Variants in HAVCR1 observed in about 807,000 individuals in gnomAD.
HAVCR1 encodes the protein hepatitis A virus cellular receptor 1.
In HAVCR1, 34 loss-of-function variants were observed where a neutral mutation model predicts 32.0. The observed-to-expected ratio is 1.06, with a 90% CI of 0.81 to 1.42. The LOEUF (loss-of-function observed/expected upper bound fraction) is 1.42, where lower values mean the gene tolerates loss of function less well. HAVCR1 is among the 40% of genes most tolerant of loss of function. The probability of loss-of-function intolerance (pLI) is 0.00; values close to 1 mark genes in which losing one functional copy is unlikely to be tolerated. For synonymous variants in HAVCR1, 178 were observed against 170.3 expected, an observed-to-expected ratio of 1.05 and a Z score of -0.35; for missense variants, 420 against 442.3, an observed-to-expected ratio of 0.95 and a Z score of 0.45.
chr5:157,057,140 C>A (rs908407906), intron 2 of HAVCR1, among the ~76,000 whole-genome samples: 3 of 151,866 alleles, frequency 2.0e-5, no homozygotes, highest in Non-Finnish European at 4.4e-5. Flanking sequence ...GATGGGGAAA[C>A]CTTGTCTCTA....
intron 8 of HAVCR1, 65 bp downstream of exon 8, chr5:157,032,789 A>T: frequency 9.4e-6 from 9 of 959,482 alleles, no homozygotes; most frequent in Non-Finnish European, 1.5e-5. Context: ...GAGAGACAGA[A>T]ATCTATTTTT....
intron 5 of HAVCR1, among the ~76,000 whole-genome samples, chr5:157,048,025 C>G (rs1755510930): frequency 6.6e-6 from 1 of 152,210 alleles, no homozygotes; most frequent in Non-Finnish European, 1.5e-5. Context: ...AAGTCTTCAT[C>G]TGAGTTGATG....
chr5:157,037,478 GA>G, intron 6 of HAVCR1, 117 bp from the exon 7 acceptor site: 1 of 619,334 alleles, frequency 1.6e-6, no homozygotes, highest in South Asian at 2.0e-5. Context: ...GGGACTTCTG[GA>G]ACATAAGGGT....
intron 5 of HAVCR1, among the ~76,000 whole-genome samples, chr5:157,045,464 A>G (rs1438223449): frequency 6.6e-6 from 1 of 152,156 alleles, no homozygotes; most frequent in African/African-American, 2.4e-5. Flanking sequence ...GATACTATGC[A>G]ATGCACTTTC....
chr5:157,067,966 C>T, the HAVCR1 span, among the ~76,000 whole-genome samples: 5 of 151,972 alleles, frequency 3.3e-5, no homozygotes, highest in African/African-American at 7.2e-5. Context: ...GCGTGAGCCA[C>T]CACTCCCGGT....
intron 7 of HAVCR1, among the ~76,000 whole-genome samples, chr5:157,034,569 C>T (rs1056422552): frequency 2.0e-5 from 3 of 151,488 alleles, no homozygotes; most frequent in East Asian, 2.0e-4. Context: ...AGACCCTTTA[C>T]GGGTGTCGGG....
intron 5 of HAVCR1, among the ~76,000 whole-genome samples, chr5:157,047,021 C>T (rs1311699213): frequency 1.3e-5 from 2 of 152,126 alleles, no homozygotes; most frequent in Non-Finnish European, 2.9e-5. Flanking sequence ...AGATAGAGGT[C>T]TGTGCATGGT....
chr5:157,045,048 C>A (rs1328309541), intron 5 of HAVCR1, among the ~76,000 whole-genome samples: 1 of 152,000 alleles, frequency 6.6e-6, no homozygotes, highest in Non-Finnish European at 1.5e-5. Context: ...ATGCATGAAA[C>A]CAAGGATAGT....
rs370862249 is a variant in HAVCR1, at chr5:157,037,332, C to A, written c.867G>T (p.Thr289=). Residue 289 remains threonine (T), a synonymous_variant, in exon 7 of 9, where the codon ACG becomes ACT. Coordinates refer to ENST00000523175, the MANE Select transcript of HAVCR1 (RefSeq NM_001173393.3). ...CATAGATTCCTTTAGTGGTATTGGC[C>A]GTCAGTAGACTATGTTCTAGGAACA... ...TQLFLEHSLL[T]ANTTKGIYAG... 1 of 1,569,324 alleles carries A rather than the reference C, an allele frequency of 6.4e-7. No individual in the cohort carries two copies. The highest frequency in any genetic ancestry group is 1.7e-5 in the Admixed American group (1 of 59,878).
chr5:157,051,460 TA>T (rs1218489939), intron 4 of HAVCR1, among the ~76,000 whole-genome samples: 2 of 152,186 alleles, frequency 1.3e-5, no homozygotes, highest in Non-Finnish European at 2.9e-5. Flanking sequence ...ATCCAGTAGT[TA>T]AAAGTACTGG....
At chr5:157,044,611 G>GAGAAAGAAAGAAAGAAAGAA (rs1561591029) in intron 5 of HAVCR1, among the ~76,000 whole-genome samples, 1 of 67,070 alleles carries the variant, frequency 1.5e-5, no homozygotes, top group Admixed American at 1.7e-4. Context: ...AAGAAAGAAA[G>GAGAAAGAAAGAAAGAAAGAA]AAAGAGAAAG....
chr5:157,029,591 C>A lies in HAVCR1; in HGVS notation c.*142G>T, dbSNP rs190777889. On this transcript the variant is annotated 3_prime_UTR_variant, in exon 9 of 9. Transcript: ENST00000523175. ...AGTTTGGAGTGAGAGAGTTACTCTA[C>A]CCAGTATCACTGACATGTTGGAATG... is the stretch of plus-strand genomic sequence containing the variant. 6.5e-7 allele frequency: 1 copy of A among 1,537,884 alleles called. No homozygotes were observed. The highest frequency in any genetic ancestry group is 2.4e-5 in the East Asian group (1 of 40,982).
intron 2 of HAVCR1, among the ~76,000 whole-genome samples, chr5:157,057,407 GAA>G (rs1270640687): frequency 2.0e-5 from 2 of 97,660 alleles, no homozygotes; most frequent in Non-Finnish European, 4.8e-5. Context: ...AAGAAAGAAA[GAA>G]AGAAAGAAAG....
At chr5:157,067,604 G>A in the HAVCR1 span, among the ~76,000 whole-genome samples, 1 of 152,192 alleles carries the variant, frequency 6.6e-6, no homozygotes, top group Non-Finnish European at 1.5e-5. Flanking sequence ...AGGGGTCAAG[G>A]CTGCAAGGAG....
chr5:157,034,079 C>T (rs924952000), intron 7 of HAVCR1, among the ~76,000 whole-genome samples: 10 of 152,272 alleles, frequency 6.6e-5, no homozygotes, highest in African/African-American at 2.2e-4. Flanking sequence ...AAATAAGACA[C>T]AGAGACAAAG....
intron 3 of HAVCR1, among the ~76,000 whole-genome samples, chr5:157,053,596 G>T (rs1009389122): frequency 1.4e-4 from 21 of 152,144 alleles, no homozygotes; most frequent in African/African-American, 5.1e-4. Context: ...ACGGCCGGGC[G>T]CGGCAGCTCA....
At chr5:157,042,495 C>T in intron 6 of HAVCR1, 132 bp downstream of exon 6, 15 of 496,046 alleles carry the variant, frequency 3.0e-5, no homozygotes, top group Non-Finnish European at 1.1e-5. Flanking sequence ...AAATTATTTT[C>T]TTCAACTTTT....
chr5:157,048,202 T>C (rs1485586962), intron 5 of HAVCR1, among the ~76,000 whole-genome samples: 1 of 152,170 alleles, frequency 6.6e-6, no homozygotes, highest in Non-Finnish European at 1.5e-5. Context: ...GTCTGGGACT[T>C]GTCAGAAGCA....
At chr5:157,068,097 C>A in the HAVCR1 span, among the ~76,000 whole-genome samples, 2 of 151,944 alleles carry the variant, frequency 1.3e-5, no homozygotes, top group African/African-American at 2.4e-5. Flanking sequence ...CATGGTGAAA[C>A]CCCAACTGTA....
Sources: allele counts gnomAD v4.1 joint callset (sites outside exome capture counted in the v4.1 genomes callset), GRCh38; gene constraint gnomAD v4.1.1; transcripts MANE v1.5; gene names NCBI Gene and HGNC (gene_info 2026-07-23, HGNC 2026-07-21).